SRGAP3: variants seen among roughly 807,000 people sequenced by gnomAD.
SRGAP3 encodes SLIT-ROBO Rho GTPase-activating protein 3.
SRGAP3 carries 39 observed loss-of-function variants against 121.1 expected under a neutral mutation model. That is an observed-to-expected ratio of 0.32 (90% CI 0.25 to 0.42). The LOEUF (loss-of-function observed/expected upper bound fraction) is 0.42, where lower values mean the gene tolerates loss of function less well. Ranked by LOEUF, SRGAP3 falls within the 10% of genes least tolerant of loss-of-function variation. SRGAP3 has a pLI of 1.00. For synonymous variants in SRGAP3, 601 were observed against 570.0 expected, an observed-to-expected ratio of 1.05 and a Z score of -0.77; for missense variants, 1,213 against 1,470.6, an observed-to-expected ratio of 0.82 and a Z score of 2.86.
chr3:9,167,070 C>T (rs1443326902), intron 1 of SRGAP3, among the ~76,000 whole-genome samples: 1 of 152,290 alleles, frequency 6.6e-6, no homozygotes, highest in East Asian at 1.9e-4. Flanking sequence ...GGCTCTTAAT[C>T]CTTCTGCGAA....
chr3:9,102,723 A>G (rs1024305070), intron 3 of SRGAP3, among the ~76,000 whole-genome samples: 2 of 152,362 alleles, frequency 1.3e-5, no homozygotes, highest in East Asian at 3.9e-4. Context: ...CCAGGAGCTC[A>G]GCTGTAGACA....
At position 8,983,755 on chromosome 3, in the gene SRGAP3, A is replaced by T. The variant is rs1395416348; in HGVS notation, c.*1764T>A. 4.3e-6 allele frequency: 1 copy of T among 230,422 alleles called. No individual in the cohort carries two copies. The highest frequency in any genetic ancestry group is 2.2e-5 in the African/African-American group (1 of 45,188). The allele number at this position is 230,422 out of a possible 1,614,324, so 14.3% of individuals were successfully genotyped here. A position where few individuals can be genotyped will look rare whatever the true frequency, so the allele number is the denominator to read the frequency against. On this transcript the variant is annotated 3_prime_UTR_variant, in exon 22 of 22. Transcript: ENST00000383836. ...TCCAGTGTACACAGCTTGCTCACTGATGTTTGACCTTTATTACCCTATTTT... is the reference window on the plus strand; with the variant it reads ...TCCAGTGTACACAGCTTGCTCACTGTTGTTTGACCTTTATTACCCTATTTT...
At chr3:9,254,839 A>AAGGG (rs1044000631) in intron 3 of SRGAP3, among the ~76,000 whole-genome samples, 7 of 139,410 alleles carry the variant, frequency 5.0e-5, no homozygotes, top group Admixed American at 3.5e-4. Flanking sequence ...GAGAGGAACG[A>AAGGG]AGGGAGGGAG....
intron 1 of SRGAP3, among the ~76,000 whole-genome samples, chr3:9,141,549 C>CAG (rs1226341275): frequency 1.6e-5 from 2 of 124,406 alleles, no homozygotes; most frequent in African/African-American, 3.7e-5. Context: ...GATCTGACTT[C>CAG]AGGGGTGTGT....
intron 2 of SRGAP3, among the ~76,000 whole-genome samples, chr3:9,326,667 C>A (rs918958124): frequency 1.3e-5 from 2 of 151,630 alleles, no homozygotes; most frequent in African/African-American, 4.8e-5. Context: ...TGAGTTATCA[C>A]AGGTAATTTG....
intron 18 of SRGAP3, among the ~76,000 whole-genome samples, chr3:8,996,875 G>A (rs1224859001): frequency 6.6e-6 from 1 of 152,194 alleles, no homozygotes; most frequent in African/African-American, 2.4e-5. Context: ...GACCTAAGCA[G>A]AGGTTTTCTG....
At chr3:9,126,889 G>A (rs1478031630) in intron 1 of SRGAP3, among the ~76,000 whole-genome samples, 1 of 152,162 alleles carries the variant, frequency 6.6e-6, no homozygotes, top group African/African-American at 2.4e-5. Flanking sequence ...ATCTATGCAT[G>A]TAACAAAATT....
chr3:9,032,358 G>A (rs1294842293), intron 12 of SRGAP3, among the ~76,000 whole-genome samples: 1 of 152,230 alleles, frequency 6.6e-6, no homozygotes, highest in Non-Finnish European at 1.5e-5. Context: ...AAGCAATGAA[G>A]CGTGAATGAA....
intron 2 of SRGAP3, among the ~76,000 whole-genome samples, chr3:9,110,328 A>C (rs912486653): frequency 6.6e-6 from 1 of 152,198 alleles, no homozygotes; most frequent in Non-Finnish European, 1.5e-5. Context: ...GTTCGAGTCG[A>C]ACACGACGAG....
At chr3:9,277,178 G>C (rs1954599962) in intron 3 of SRGAP3, among the ~76,000 whole-genome samples, 4 of 152,162 alleles carry the variant, frequency 2.6e-5, no homozygotes, top group Admixed American at 2.6e-4. Context: ...CACATGCATT[G>C]TCTTCATTTA....
Position 9,308,312 on chromosome 3 carries a change from G to C in SRGAP3, n.442+17698C>G, listed in dbSNP as rs181875069. Among the ~76,000 whole-genome samples the C allele has an allele frequency of 2.6e-5, 4 of 152,304 alleles. No individual in the cohort carries two copies. The East Asian group carries it at 7.7e-4, about 29-fold the overall frequency. On this transcript the variant is annotated intron_variant and non_coding_transcript_variant, in intron 3 of 3. Transcript: ENST00000490889. ...ACTCTTCTTTATATTGGTCTGTGTT[G>C]TTTGGGTGTTTTAAAAAGCATATAA...
chr3:9,172,371 G>T (rs564262785), intron 1 of SRGAP3, among the ~76,000 whole-genome samples: 1 of 152,036 alleles, frequency 6.6e-6, no homozygotes. Context: ...CTAAAGTGCT[G>T]GGATTACAGG....
chr3:9,146,232 A>G (rs17050082), intron 1 of SRGAP3, among the ~76,000 whole-genome samples: 11,795 of 152,248 alleles, frequency 0.077, 1,543 homozygotes, highest in African/African-American at 0.27. Context: ...GCTAACTTGT[A>G]CAAGAACCCC....
At position 9,006,343 on chromosome 3, in the gene SRGAP3, T is replaced by A. The variant is rs543706711; in HGVS notation, c.2227+3965A>T. On this transcript the variant is annotated intron_variant, in intron 18 of 21. Transcript: ENST00000383836. ...TGAACCAGGGAGTCGGAGGCTGCAG[T>A]GAGCCGAGATCACACCACTTTACTA... Among the ~76,000 whole-genome samples the A allele has an allele frequency of 1.7e-3, 253 of 145,222 alleles. 2 individuals carry two copies. Among genetic ancestry groups the A allele is most frequent in the Middle Eastern group, 0.014 (4 of 278 alleles).
At chr3:9,053,310 C>G in intron 8 of SRGAP3, 86 bp from the exon 9 acceptor site, 9 of 1,342,462 alleles carry the variant, frequency 6.7e-6, no homozygotes, top group Non-Finnish European at 9.4e-6. Flanking sequence ...TGTCACTTTA[C>G]TTCTTCCATA....
chr3:9,002,309 A>G (rs918334541), intron 18 of SRGAP3, among the ~76,000 whole-genome samples: 1 of 152,220 alleles, frequency 6.6e-6, no homozygotes, highest in Admixed American at 6.5e-5. Flanking sequence ...GGAAACTGAC[A>G]AATAGGCAAA....
At chr3:8,987,507 C>T (rs1042645974) in intron 21 of SRGAP3, among the ~76,000 whole-genome samples, 1 of 152,234 alleles carries the variant, frequency 6.6e-6, no homozygotes, top group African/African-American at 2.4e-5. Context: ...TTTCTGCACC[C>T]TGGTCTTTTA....
chr3:9,000,328 G>A (rs553025712), intron 18 of SRGAP3, among the ~76,000 whole-genome samples: 2 of 152,212 alleles, frequency 1.3e-5, no homozygotes, highest in African/African-American at 4.8e-5. Context: ...CCCAGCTTGT[G>A]AGGTGGTGGT....
rs753452580 is a variant in SRGAP3 at position 9,294,695 on chromosome 3, C to CGTGTGTGTGTGTGTGTGTGT, written n.442+31295_442+31314dup. ...GCATTGAAATTGCTATTGAAGCTTT[C>CGTGTGTGTGTGTGTGTGTGT]GTGTGTGTGTGTGTGTGTGTGTGTG... On this transcript the variant is annotated intron_variant and non_coding_transcript_variant, in intron 3 of 3. Coordinates refer to the SRGAP3 transcript ENST00000490889. 6.7e-4 allele frequency among the ~76,000 whole-genome samples: 80 copies of CGTGTGTGTGTGTGTGTGTGT among 119,878 alleles called. 4 individuals carry two copies. Among genetic ancestry groups the CGTGTGTGTGTGTGTGTGTGT allele is most frequent in the South Asian group, 3.6e-3 (11 of 3,088 alleles). 78.6% of individuals were successfully genotyped at this position (119,878 alleles called of 152,430 possible). A position where few individuals can be genotyped will look rare whatever the true frequency, so the allele number is the denominator to read the frequency against.
Sources: gnomAD v4.1 joint callset for allele counts (sites outside exome capture counted in the v4.1 genomes callset) on GRCh38, gnomAD v4.1.1 for gene constraint, MANE v1.5 for transcripts, NCBI Gene and HGNC (gene_info 2026-07-23, HGNC 2026-07-21) for gene names.